PDXDC1: variants seen among roughly 807,000 people sequenced by gnomAD.
PDXDC1 encodes the protein pyridoxal-dependent decarboxylase domain-containing protein 1.
A neutral mutation model predicts 100.1 loss-of-function variants in PDXDC1; 42 were observed. The ratio of observed to expected loss-of-function variants is 0.42; its 90% CI spans 0.33 to 0.54. PDXDC1 has a LOEUF of 0.54. PDXDC1 is among the 20% of genes least tolerant of loss of function. The pLI is 0.10. For synonymous variants in PDXDC1, 260 were observed against 371.7 expected (o/e 0.70, Z 3.46); for missense variants, 636 against 979.2 (o/e 0.65, Z 4.68).
chr16:15,147,545 G>A, the PDXDC1 span, among the ~76,000 whole-genome samples: 1 of 152,136 alleles, frequency 6.6e-6, no homozygotes, highest in Non-Finnish European at 1.5e-5. Context: ...TTTTCTTTTT[G>A]AGACAGAGTT....
intron 16 of PDXDC1, among the ~76,000 whole-genome samples, chr16:15,057,469 A>G (rs564554882): frequency 6.6e-6 from 1 of 152,348 alleles, no homozygotes; most frequent in African/African-American, 2.4e-5. Context: ...TAGAACGAAG[A>G]CTGAACCTAG....
intron 16 of PDXDC1, among the ~76,000 whole-genome samples, chr16:15,084,960 G>T (rs2045858605): frequency 6.6e-6 from 1 of 152,008 alleles, no homozygotes; most frequent in Admixed American, 6.6e-5. Context: ...CATCTACTCA[G>T]GAGGCTGAAG....
intron 12 of PDXDC1, among the ~76,000 whole-genome samples, chr16:15,019,544 T>C (rs1194620828): frequency 2.0e-5 from 3 of 152,300 alleles, no homozygotes; most frequent in Non-Finnish European, 4.4e-5. Flanking sequence ...CAGACATTTA[T>C]TGCTTACAGT....
rs1322274763 is a variant in PDXDC1, at chr16:15,037,856, C to CTTTGCCAAAATAAGGTTTTATT, written c.*1584_*1605dup. 3.8e-6 allele frequency: 2 copies of CTTTGCCAAAATAAGGTTTTATT among 524,916 alleles called. No individual in the cohort carries two copies. The allele number at this position is 524,916 out of a possible 1,614,324, so 32.5% of individuals were successfully genotyped here. The stretch of plus-strand genomic sequence containing the variant: ...CCAAAAAATAAGTCTCAACAAATGC[C>CTTTGCCAAAATAAGGTTTTATT]TTTGCCAAAATAAGGTTTTATTTTG... On this transcript the variant is annotated 3_prime_UTR_variant, in exon 23 of 23. Transcript: ENST00000396410.
At chr16:15,062,933 G>A (rs2044772158) in intron 16 of PDXDC1, among the ~76,000 whole-genome samples, 1 of 152,208 alleles carries the variant, frequency 6.6e-6, no homozygotes, top group Non-Finnish European at 1.5e-5. Flanking sequence ...TGCATTTACA[G>A]CTCACTGCAG....
intron 1 of PDXDC1, among the ~76,000 whole-genome samples, chr16:14,980,179 A>G (rs1260073818): frequency 6.6e-6 from 1 of 152,410 alleles, no homozygotes; most frequent in African/African-American, 2.4e-5. Flanking sequence ...TGGCAGAGCT[A>G]TTGATGGTCC....
intron 16 of PDXDC1, among the ~76,000 whole-genome samples, chr16:15,066,562 G>A (rs572492727): frequency 7.2e-5 from 11 of 151,990 alleles, no homozygotes; most frequent in African/African-American, 2.4e-4. Context: ...GAGCCTCGGA[G>A]GTGGTGGTTG....
intron 8 of PDXDC1, among the ~76,000 whole-genome samples, chr16:15,013,385 TAC>T (rs1355608227): frequency 1.4e-5 from 2 of 141,310 alleles, no homozygotes; most frequent in African/African-American, 2.6e-5. Context: ...GGCAAAAAAC[TAC>T]AGTGACAGAA....
chr16:15,127,692 G>C lies in PDXDC1; in HGVS notation c.1400-11187G>C, dbSNP rs756247434. On this transcript the variant is annotated intron_variant, in intron 16 of 16. Coordinates refer to the PDXDC1 transcript ENST00000535621. The stretch of plus-strand genomic sequence containing the variant: ...CCGACCCCTACGGCACCCACCTGTA[G>C]GCAGAGTCACCAACAGCCCCGTACC... 2.8e-6 allele frequency: 4 copies of C among 1,443,998 alleles called. No individual in the cohort carries two copies. The South Asian group carries it at 4.9e-5, about 18-fold the overall frequency. The allele number at this position is 1,443,998 out of a possible 1,614,324, so 89.4% of individuals were successfully genotyped here. A position where few individuals can be genotyped will look rare whatever the true frequency, so the allele number is the denominator to read the frequency against.
chr16:15,040,018 C>G (rs534463977), downstream of PDXDC1: 1 of 1,612,068 alleles, frequency 6.2e-7, no homozygotes, highest in Non-Finnish European at 8.5e-7. Context: ...CTCCGGACCC[C>G]GATCTTGAAA....
chr16:15,055,418 C>T (rs912568542), intron 16 of PDXDC1, among the ~76,000 whole-genome samples: 1 of 152,228 alleles, frequency 6.6e-6, no homozygotes, highest in Admixed American at 6.5e-5. Flanking sequence ...TGGGGGTCCC[C>T]GCCAAGATCC....
At chr16:15,029,296 T>C (rs2042877170) in intron 15 of PDXDC1, 2 of 568,434 alleles carry the variant, frequency 3.5e-6, no homozygotes, top group East Asian at 3.1e-5. Flanking sequence ...AGGCAGAGTC[T>C]GCCGAGCATC....
chr16:15,030,990 C>G (rs2043024269), intron 16 of PDXDC1, among the ~76,000 whole-genome samples: 1 of 151,578 alleles, frequency 6.6e-6, no homozygotes, highest in Non-Finnish European at 1.5e-5. Context: ...TCTCATTTGT[C>G]ACCCTGGCTG....
Position 15,084,039 on chromosome 16 carries a change from G to A in PDXDC1, c.1399+53983G>A, listed in dbSNP as rs2045813292. On this transcript the variant is annotated intron_variant, in intron 16 of 16. Transcript: ENST00000535621. ...CCAGAACTGGAACTTACAATGTATA[G>A]CTTCTGAGAAAATCTATAACGACTT... Among the ~76,000 whole-genome samples, 4 of 152,320 alleles carry A rather than the reference G, an allele frequency of 2.6e-5. No individual in the cohort carries two copies. In the South Asian group the frequency reaches 8.3e-4, roughly 32 times the overall value.
At chr16:14,986,212 C>T (rs1378820021) in intron 1 of PDXDC1, among the ~76,000 whole-genome samples, 2 of 151,994 alleles carry the variant, frequency 1.3e-5, no homozygotes, top group African/African-American at 4.8e-5. Context: ...GAGGCTCACG[C>T]CTGTAATCCC....
At chr16:15,110,146 A>AG (rs1227752905) in intron 16 of PDXDC1, among the ~76,000 whole-genome samples, 2 of 147,982 alleles carry the variant, frequency 1.4e-5, no homozygotes, top group East Asian at 3.9e-4. Context: ...GCCCCATCTC[A>AG]GGAAAAAAAA....
intron 16 of PDXDC1, chr16:15,131,708 C>T (rs1474180307): frequency 2.7e-6 from 4 of 1,485,208 alleles, no homozygotes; most frequent in Non-Finnish European, 3.6e-6. Context: ...ATGAGGTCTC[C>T]TGCAGACAGA....
At chr16:15,074,370 C>T (rs1415567105) in intron 16 of PDXDC1, among the ~76,000 whole-genome samples, 1 of 152,208 alleles carries the variant, frequency 6.6e-6, no homozygotes, top group Non-Finnish European at 1.5e-5. Flanking sequence ...CAAAGACCCT[C>T]TAAACTCAAT....
downstream of PDXDC1, chr16:15,040,494 C>G (rs980204111): frequency 5.7e-6 from 1 of 176,470 alleles, no homozygotes. Flanking sequence ...TACCTACCAC[C>G]CAGCTAAATC....
Sources: gnomAD v4.1 joint callset for allele counts (sites outside exome capture counted in the v4.1 genomes callset) on GRCh38, gnomAD v4.1.1 for gene constraint, MANE v1.5 for transcripts, NCBI Gene and HGNC (gene_info 2026-07-23, HGNC 2026-07-21) for gene names.